PCNX2: variants seen among roughly 807,000 people sequenced by gnomAD.
The protein encoded by PCNX2 is pecanex-like protein 2.
PCNX2 carries 168 observed loss-of-function variants against 223.8 expected under a neutral mutation model. That is an observed-to-expected ratio of 0.75 (90% CI 0.66 to 0.85). The LOEUF is 0.85. PCNX2 is among the 40% of genes least tolerant of loss of function. The probability of loss-of-function intolerance (pLI) is 0.00; values close to 1 mark genes in which losing one functional copy is unlikely to be tolerated. For missense variants in PCNX2, 2,507 were observed against 2,675.5 expected (o/e 0.94, Z 1.39); for synonymous variants, 1,006 against 1,052.6 (o/e 0.96, Z 0.86).
At chr1:233,046,511 C>T (rs3766476) in intron 25 of PCNX2, among the ~76,000 whole-genome samples, 17,580 of 152,172 alleles carry the variant, frequency 0.12, 1,124 homozygotes, top group East Asian at 0.26. Context: ...GTGTCCCCAA[C>T]TACAACTGAA....
Position 233,295,652 on chromosome 1 carries a change from C to T in PCNX2, c.-174G>A, listed in dbSNP as rs1277173355. ...CACGTTTGAAGCTGGAGCTGCTCTTCCGCCCGGACCCGCGAACCGCGGCGC... is the reference window on the plus strand; with the variant it reads ...CACGTTTGAAGCTGGAGCTGCTCTTTCGCCCGGACCCGCGAACCGCGGCGC... On this transcript the variant is annotated 5_prime_UTR_variant, in exon 1 of 34. Coordinates refer to ENST00000258229, the MANE Select transcript of PCNX2 (RefSeq NM_014801.4). The surrounding 1 kb of genome is among the most constrained non-coding windows in gnomAD (Gnocchi z 4.1). 1 of 672,398 alleles carries T rather than the reference C, an allele frequency of 1.5e-6. No homozygotes were observed. The highest frequency in any genetic ancestry group is 2.1e-6 in the Non-Finnish European group (1 of 478,210). 41.7% of individuals were successfully genotyped at this position (672,398 alleles called of 1,614,324 possible).
At chr1:233,012,455 A>G (rs1670502098) in intron 28 of PCNX2, among the ~76,000 whole-genome samples, 1 of 152,016 alleles carries the variant, frequency 6.6e-6, no homozygotes, top group African/African-American at 2.4e-5. Context: ...CTGAAAGGAA[A>G]GCGTCTTGGA....
chr1:233,153,292 A>G (rs1296671061), intron 19 of PCNX2, among the ~76,000 whole-genome samples: 1 of 152,218 alleles, frequency 6.6e-6, no homozygotes, highest in Non-Finnish European at 1.5e-5. Context: ...AAAAGGGAGT[A>G]AACAAAAACA....
Position 233,095,869 on chromosome 1 carries a change from A to G in PCNX2, c.3838-6T>C. 6.3e-7 allele frequency: 1 copy of G among 1,588,798 alleles called. No individual in the cohort carries two copies. The highest frequency in any genetic ancestry group is 1.1e-5 in the South Asian group (1 of 88,008). On this transcript the variant is annotated splice_polypyrimidine_tract_variant and splice_region_variant and intron_variant, in intron 21 of 33. Coordinates refer to ENST00000258229, the MANE Select transcript of PCNX2 (RefSeq NM_014801.4). ...TTGTGAAGCAGGTCCCCGAGCTGAAAGTAAAAGAAAAAAAATTCATCAGAG... is the reference window on the plus strand; with the variant it reads ...TTGTGAAGCAGGTCCCCGAGCTGAAGGTAAAAGAAAAAAAATTCATCAGAG...
chr1:233,155,571 T>C (rs1465397937), intron 19 of PCNX2, among the ~76,000 whole-genome samples: 1 of 152,228 alleles, frequency 6.6e-6, no homozygotes, highest in South Asian at 2.1e-4. Flanking sequence ...TTTAACTCCA[T>C]TGTAATCCAT....
chr1:233,242,284 A>G (rs1658816967), intron 8 of PCNX2, among the ~76,000 whole-genome samples: 1 of 152,332 alleles, frequency 6.6e-6, no homozygotes, highest in Non-Finnish European at 1.5e-5. Flanking sequence ...TTATATTACC[A>G]TCCTACTCTT....
chr1:233,314,440 T>G, the PCNX2 span, among the ~76,000 whole-genome samples: 7 of 152,140 alleles, frequency 4.6e-5, no homozygotes, highest in African/African-American at 1.7e-4. Context: ...GATATGTATA[T>G]AAAAATAACT....
chr1:233,169,227 G>C (rs1572009870), intron 17 of PCNX2, among the ~76,000 whole-genome samples: 1 of 151,734 alleles, frequency 6.6e-6, no homozygotes, highest in Non-Finnish European at 1.5e-5. Context: ...AATCTAACTC[G>C]GGGTATTGTG....
chr1:233,031,953 C>G, intron 25 of PCNX2: 2 of 985,258 alleles, frequency 2.0e-6, no homozygotes, highest in South Asian at 9.4e-5. Flanking sequence ...ACACTGGGAC[C>G]CTTGGATTGC....
intron 23 of PCNX2, among the ~76,000 whole-genome samples, chr1:233,059,978 AAAAAG>A (rs1355774482): frequency 2.0e-5 from 3 of 152,220 alleles, no homozygotes; most frequent in African/African-American, 7.2e-5. Context: ...CTTCAGAAAA[AAAAAG>A]TATTCTTTCT....
Position 233,001,699 on chromosome 1 carries a change from A to G in PCNX2, c.4953-18T>C, listed in dbSNP as rs751086234. The G allele has an allele frequency of 5.9e-6, 9 of 1,531,052 alleles. No individual in the cohort carries two copies. The Admixed American group carries it at 1.2e-4, about 20-fold the overall frequency. The allele number at this position is 1,531,052 out of a possible 1,614,324, so 94.8% of individuals were successfully genotyped here. On this transcript the variant is annotated intron_variant, in intron 28 of 33. Transcript: ENST00000258229. This position sits in a 1 kb window ranked among gnomAD's most constrained non-coding sequence, Gnocchi z 4.2. ...AATCCAGGCTGCAAAACAAAGTCCT[A>G]TTACTATGGAACAAATTTCAGAATC...
Position 233,295,591 on chromosome 1 carries a change from C to T in PCNX2, c.-113G>A. ...GGCCCGCGGGCCGCGCCCCCGCCGT[C>T]GCCGCCGCCGTCGCCCCCGCCGCCT... On this transcript the variant is annotated 5_prime_UTR_variant, in exon 1 of 34. Coordinates refer to ENST00000258229, the MANE Select transcript of PCNX2 (RefSeq NM_014801.4). The surrounding 1 kb of genome is among the most constrained non-coding windows in gnomAD (Gnocchi z 4.1). 11 of 1,153,256 alleles carry T rather than the reference C, an allele frequency of 9.5e-6. No homozygotes were observed. The highest frequency in any genetic ancestry group is 1.1e-5 in the Non-Finnish European group (10 of 904,438). The allele number at this position is 1,153,256 out of a possible 1,614,324, so 71.4% of individuals were successfully genotyped here. A position where few individuals can be genotyped will look rare whatever the true frequency, so the allele number is the denominator to read the frequency against.
chr1:233,264,147 T>C (rs1200761928), intron 1 of PCNX2, among the ~76,000 whole-genome samples: 1 of 152,184 alleles, frequency 6.6e-6, no homozygotes, highest in Non-Finnish European at 1.5e-5. Context: ...CGTGGAGTTG[T>C]CCCACTCTGT....
In PCNX2 at chr1:233,126,581, C is replaced by T. The variant is rs940896891; in HGVS notation, c.3837+8432G>A. 2.0e-5 allele frequency among the ~76,000 whole-genome samples: 3 copies of T among 151,668 alleles called. No individual in the cohort carries two copies. Among genetic ancestry groups the T allele is most frequent in the Non-Finnish European group, 4.4e-5 (3 of 67,916 alleles). On this transcript the variant is annotated intron_variant, in intron 21 of 33. Transcript: ENST00000258229. The surrounding 1 kb of genome is among the most constrained non-coding windows in gnomAD (Gnocchi z 4.8). Reference sequence around the variant, plus strand: ...GGGAGGATTTATTCCAAAATACTTACAATAGTTATCCATAGGAAGAGGTTA... The same window carrying T: ...GGGAGGATTTATTCCAAAATACTTATAATAGTTATCCATAGGAAGAGGTTA...
At chr1:233,058,665 C>CTTTTTTTTTTTTTTTTTTTTTTTTTTTT (rs771648037) in intron 23 of PCNX2, 1 of 119,812 alleles carries the variant, frequency 8.3e-6, no homozygotes, top group Non-Finnish European at 1.7e-5. Flanking sequence ...CTTTTCTTTT[C>CTTTTTTTTTTTTTTTTTTTTTTTTTTTT]TTTTTTTTTT....
At chr1:233,087,774 C>T (rs753161336) in intron 23 of PCNX2, among the ~76,000 whole-genome samples, 40 of 152,092 alleles carry the variant, frequency 2.6e-4, no homozygotes, top group Non-Finnish European at 4.7e-4. Context: ...GAACTCTCTC[C>T]TGCAGCAGAA....
At chr1:233,279,199 G>A (rs899673970) in intron 1 of PCNX2, among the ~76,000 whole-genome samples, 6 of 152,054 alleles carry the variant, frequency 3.9e-5, no homozygotes, top group African/African-American at 1.4e-4. Flanking sequence ...AATAAGTCAT[G>A]ATTTCAGAAT....
intron 23 of PCNX2, among the ~76,000 whole-genome samples, chr1:233,065,890 A>T (rs1305997910): frequency 6.6e-6 from 1 of 152,186 alleles, no homozygotes; most frequent in African/African-American, 2.4e-5. Context: ...GTGAAACCCA[A>T]CCTTCAAACC....
chr1:233,032,070 T>C (rs1191595959), intron 25 of PCNX2: 1 of 959,554 alleles, frequency 1.0e-6, no homozygotes, highest in Non-Finnish European at 1.2e-6. Flanking sequence ...TCTCTTCCAA[T>C]GGAGGAAATA....
Sources: gnomAD v4.1 joint callset for allele counts (sites outside exome capture counted in the v4.1 genomes callset) on GRCh38, gnomAD v4.1.1 for gene constraint, Gnocchi (gnomAD v3.1) non-coding constraint, MANE v1.5 for transcripts, NCBI Gene and HGNC (gene_info 2026-07-23, HGNC 2026-07-21) for gene names.